Variants in ROBO2 observed in about 807,000 individuals in gnomAD.
ROBO2 encodes the protein roundabout homolog 2.
ROBO2 carries 53 observed loss-of-function variants against 160.8 expected under a neutral mutation model. That is an observed-to-expected ratio of 0.33 (90% CI 0.26 to 0.41). The LOEUF (loss-of-function observed/expected upper bound fraction) is 0.41. ROBO2 is among the 10% of genes least tolerant of loss of function. The pLI, the probability that ROBO2 is intolerant of heterozygous loss-of-function variation, is 1.00. For synonymous variants in ROBO2, 664 were observed against 611.7 expected (o/e 1.09, Z -1.26); for missense variants, 1,577 against 1,722.4 (o/e 0.92, Z 1.49).
At chr3:76,865,370 T>A (rs2071259024) in intron 2 of ROBO2, among the ~76,000 whole-genome samples, 1 of 152,130 alleles carries the variant, frequency 6.6e-6, no homozygotes, top group Non-Finnish European at 1.5e-5. Flanking sequence ...TTCAAGAGCA[T>A]CAAATAACTG....
At chr3:76,113,988 A>G (rs2070354823) in intron 2 of ROBO2, among the ~76,000 whole-genome samples, 1 of 152,186 alleles carries the variant, frequency 6.6e-6, no homozygotes, top group South Asian at 2.1e-4. Context: ...TGCCATAAGT[A>G]AAAGCTTCCT....
chr3:76,259,840 C>A (rs1030656814), intron 2 of ROBO2, among the ~76,000 whole-genome samples: 1 of 152,124 alleles, frequency 6.6e-6, no homozygotes, highest in Non-Finnish European at 1.5e-5. Flanking sequence ...CTTATGCTGC[C>A]TGCTAAACCT....
At chr3:76,576,727 G>A (rs1467766458) in intron 2 of ROBO2, among the ~76,000 whole-genome samples, 6 of 61,476 alleles carry the variant, frequency 9.8e-5, no homozygotes, top group Non-Finnish European at 1.2e-4. Context: ...TTTTTTGACA[G>A]AGATTGCACC....
chr3:77,342,965 A>C (rs1375953654), intron 2 of ROBO2, among the ~76,000 whole-genome samples: 1 of 152,158 alleles, frequency 6.6e-6, no homozygotes, highest in Non-Finnish European at 1.5e-5. Flanking sequence ...ATTGAGGTAC[A>C]GGCACGGTCA....
At chr3:76,076,018 T>A (rs2068634682) in intron 2 of ROBO2, among the ~76,000 whole-genome samples, 1 of 152,246 alleles carries the variant, frequency 6.6e-6, no homozygotes, top group Non-Finnish European at 1.5e-5. Context: ...AATAGCTCAA[T>A]GAAAACTTTT....
At chr3:77,176,094 A>T (rs982590833) in intron 2 of ROBO2, among the ~76,000 whole-genome samples, 3 of 152,028 alleles carry the variant, frequency 2.0e-5, no homozygotes, top group Non-Finnish European at 4.4e-5. Context: ...TGAGCTGGGT[A>T]AGAAGAGCTC....
intron 2 of ROBO2, among the ~76,000 whole-genome samples, chr3:76,853,290 C>T (rs368580811): frequency 4.9e-4 from 75 of 152,136 alleles, no homozygotes; most frequent in African/African-American, 1.7e-3. Flanking sequence ...ACTTGGGACT[C>T]TAAATGTATT....
chr3:76,780,095 G>C (rs2062535431), intron 2 of ROBO2, among the ~76,000 whole-genome samples: 1 of 150,754 alleles, frequency 6.6e-6, no homozygotes, highest in Non-Finnish European at 1.5e-5. Flanking sequence ...CATTTTAACA[G>C]GTACAAGGTG....
intron 1 of ROBO2, among the ~76,000 whole-genome samples, chr3:77,054,503 T>G (rs771033204): frequency 1.3e-4 from 20 of 152,138 alleles, no homozygotes; most frequent in Admixed American, 3.3e-4. Context: ...ACAATGACTC[T>G]TCAGATGAAG....
At chr3:76,120,796 T>C (rs1259386504) in intron 2 of ROBO2, among the ~76,000 whole-genome samples, 5 of 152,188 alleles carry the variant, frequency 3.3e-5, no homozygotes, top group Admixed American at 1.3e-4. Flanking sequence ...CTTGTTCATA[T>C]GAACCCCTGA....
intron 2 of ROBO2, among the ~76,000 whole-genome samples, chr3:77,201,902 T>A (rs1458578127): frequency 1.3e-5 from 2 of 152,202 alleles, no homozygotes; most frequent in Non-Finnish European, 2.9e-5. Context: ...GATTTTTGCC[T>A]TGATCTTCAA....
At chr3:76,467,372 A>G (rs1293929599) in intron 2 of ROBO2, among the ~76,000 whole-genome samples, 1 of 152,156 alleles carries the variant, frequency 6.6e-6, no homozygotes, top group East Asian at 1.9e-4. Flanking sequence ...AAATTATGCC[A>G]GTATTTCCAT....
intron 2 of ROBO2, among the ~76,000 whole-genome samples, chr3:76,974,884 ACTG>A (rs1256024511): frequency 6.6e-6 from 1 of 152,122 alleles, no homozygotes; most frequent in African/African-American, 2.4e-5. Flanking sequence ...CAGCTTACAG[ACTG>A]CTAAGACATG....
chr3:76,159,526 T>A (rs2072538354), intron 2 of ROBO2, among the ~76,000 whole-genome samples: 1 of 152,170 alleles, frequency 6.6e-6, no homozygotes, highest in African/African-American at 2.4e-5. Context: ...AAGAGTTTTA[T>A]TAAAAGACTT....
intron 2 of ROBO2, among the ~76,000 whole-genome samples, chr3:77,182,479 T>C (rs2080879310): frequency 6.6e-6 from 1 of 152,056 alleles, no homozygotes; most frequent in Non-Finnish European, 1.5e-5. Flanking sequence ...GAGGGAGCAA[T>C]TAATTCTGTC....
chr3:76,522,919 G>T (rs1307321766), intron 2 of ROBO2, among the ~76,000 whole-genome samples: 1 of 150,702 alleles, frequency 6.6e-6, no homozygotes, highest in Non-Finnish European at 1.5e-5. Flanking sequence ...TGTATATACA[G>T]AGATAGATAT....
In ROBO2 at chr3:77,595,160, A is replaced by ATGGAGGAC; in HGVS notation, c.2704_2711dup (p.Met905GlufsTer3). The ATGGAGGAC allele has an allele frequency of 6.2e-7, 1 of 1,611,766 alleles. No homozygotes were observed. The highest frequency in any genetic ancestry group is 8.5e-7 in the Non-Finnish European group (1 of 1,178,394). On this transcript the variant is annotated frameshift_variant, in exon 18 of 26. Coordinates refer to ENST00000461745, the Ensembl canonical transcript of ROBO2. LOFTEE classifies it high-confidence loss of function. Reference sequence around the variant, plus strand: ...TTCATAGTTACGTTTCAAAGAGGAGATGGAGGACTAATGAGCAATGGAAGG... The same window carrying ATGGAGGAC: ...TTCATAGTTACGTTTCAAAGAGGAGATGGAGGACTGGAGGACTAATGAGCAATGGAAGG...
chr3:77,182,830 A>G (rs2080919336), intron 2 of ROBO2, among the ~76,000 whole-genome samples: 1 of 152,046 alleles, frequency 6.6e-6, no homozygotes, highest in African/African-American at 2.4e-5. Flanking sequence ...TAGGTGGATA[A>G]ATGGTATTAT....
At chr3:76,643,751 C>G (rs902166642) in intron 2 of ROBO2, among the ~76,000 whole-genome samples, 9 of 152,036 alleles carry the variant, frequency 5.9e-5, no homozygotes, top group African/African-American at 1.7e-4. Flanking sequence ...GTAACAGAAG[C>G]CTTTCCATTT....
Sources: allele counts gnomAD v4.1 joint callset (sites outside exome capture counted in the v4.1 genomes callset), GRCh38; gene constraint gnomAD v4.1.1; transcripts MANE v1.5; gene names NCBI Gene and HGNC (gene_info 2026-07-23, HGNC 2026-07-21).